Variants in FBXL4 observed in about 807,000 individuals in gnomAD.
The protein encoded by FBXL4 is F-box/LRR-repeat protein 4.
A neutral mutation model predicts 58.9 loss-of-function variants in FBXL4; 40 were observed. That is an observed-to-expected ratio of 0.68 (90% confidence interval 0.53 to 0.88). The LOEUF (loss-of-function observed/expected upper bound fraction) is 0.88. FBXL4 is among the 40% of genes least tolerant of loss of function. FBXL4 has a pLI of 0.00. For synonymous variants in FBXL4, 263 were observed against 265.5 expected, an observed-to-expected ratio of 0.99 and a Z score of 0.09; for missense variants, 676 against 734.4, an observed-to-expected ratio of 0.92 and a Z score of 0.92.
intron 7 of FBXL4, among the ~76,000 whole-genome samples, chr6:98,893,713 T>C (rs574389435): frequency 2.0e-5 from 3 of 152,194 alleles, no homozygotes; most frequent in Non-Finnish European, 4.4e-5. Context: ...GGTTATTATG[T>C]TTTCAACTTA....
intron 7 of FBXL4, among the ~76,000 whole-genome samples, chr6:98,892,061 A>G (rs571133685): frequency 6.6e-6 from 1 of 152,322 alleles, no homozygotes; most frequent in South Asian, 2.1e-4. Flanking sequence ...AAGTTCTACA[A>G]GGCCAATCAG....
At chr6:98,889,783 C>T (rs1582380913) in intron 7 of FBXL4, among the ~76,000 whole-genome samples, 1 of 151,566 alleles carries the variant, frequency 6.6e-6, no homozygotes, top group South Asian at 2.1e-4. Flanking sequence ...ATATGAAGTG[C>T]CATTCAGTTA....
intron 1 of FBXL4, among the ~76,000 whole-genome samples, chr6:98,943,632 G>T (rs929526407): frequency 1.4e-5 from 2 of 146,656 alleles, no homozygotes; most frequent in African/African-American, 2.5e-5. Flanking sequence ...CAAGGGGGAA[G>T]ATTTCAGGGA....
chr6:98,905,715 T>C (rs1211331670), intron 5 of FBXL4, 45 bp from the exon 6 acceptor site: 3 of 1,588,688 alleles, frequency 1.9e-6, no homozygotes, highest in Non-Finnish European at 1.7e-6. Flanking sequence ...TGAAAAGCAG[T>C]ATCATTCTAT....
rs1772627937 is a variant in FBXL4 at position 98,922,668 on chromosome 6, A to C, written c.512+3809T>G. Among the ~76,000 whole-genome samples, 5 of 152,112 alleles carry C rather than the reference A, an allele frequency of 3.3e-5. No individual in the cohort carries two copies. The South Asian group carries it at 1.0e-3, about 32-fold the overall frequency. ...AGTTGCTTGAGTAATCATTTCACAA[A>C]TTTGTCATGATCTTGTCCTTTCGAC... On this transcript the variant is annotated intron_variant, in intron 4 of 9. Transcript: ENST00000369244.
chr6:98,874,177 T>G lies in FBXL4; in HGVS notation c.*101A>C, dbSNP rs1037340287. Reference sequence around the variant, plus strand: ...TTTTTCTTTAAAATCTACAAATGTCTTAATTCTTACCATTAAAACAACTAA... The same window carrying G: ...TTTTTCTTTAAAATCTACAAATGTCGTAATTCTTACCATTAAAACAACTAA... On this transcript the variant is annotated 3_prime_UTR_variant, in exon 10 of 10. Coordinates refer to ENST00000369244, the MANE Select transcript of FBXL4 (RefSeq NM_001278716.2). 9.4e-6 allele frequency: 8 copies of G among 854,702 alleles called. No homozygotes were observed. In the Admixed American group the frequency reaches 1.3e-4, roughly 14 times the overall value. 52.9% of individuals were successfully genotyped at this position (854,702 alleles called of 1,614,324 possible). A position where few individuals can be genotyped will look rare whatever the true frequency, so the allele number is the denominator to read the frequency against.
chr6:98,926,748 C>T lies in FBXL4; in HGVS notation c.241G>A (p.Val81Ile), dbSNP rs1357125853. 1.9e-6 allele frequency: 3 copies of T among 1,614,180 alleles called. No individual in the cohort carries two copies. In the South Asian group the frequency reaches 3.3e-5, roughly 18 times the overall value. ...MSYTMWNLAG[V>I]PNVFPSSGDF... Reference sequence around the variant, plus strand: ...CCAGAACTTGGGAATACATTTGGTACACCAGCCAAATTCCACATAGTATAG... The same window carrying T: ...CCAGAACTTGGGAATACATTTGGTATACCAGCCAAATTCCACATAGTATAG... The change falls in exon 4 of 10, where the codon GTA (valine) becomes ATA (isoleucine). Residue 81 changes from valine (V) to isoleucine (I), a missense_variant. Val to Ile is a conservative substitution (Grantham distance 29). Transcript: ENST00000369244.
intron 8 of FBXL4, among the ~76,000 whole-genome samples, chr6:98,879,032 A>G (rs748400048): frequency 1.3e-5 from 2 of 152,116 alleles, no homozygotes; most frequent in Non-Finnish European, 2.9e-5. Flanking sequence ...TAACCACAAG[A>G]TTTTAAAGAC....
intron 8 of FBXL4, among the ~76,000 whole-genome samples, chr6:98,877,147 CAGATT>C (rs753147937): frequency 4.6e-5 from 7 of 152,014 alleles, no homozygotes; most frequent in Admixed American, 2.0e-4. Flanking sequence ...CAAAGGCTGA[CAGATT>C]AGATATAGAG....
At chr6:98,893,130 C>A (rs1385185494) in intron 7 of FBXL4, among the ~76,000 whole-genome samples, 1 of 152,116 alleles carries the variant, frequency 6.6e-6, no homozygotes, top group African/African-American at 2.4e-5. Context: ...TAAACAGGTT[C>A]AAACTTCTAA....
intron 4 of FBXL4, among the ~76,000 whole-genome samples, chr6:98,923,937 A>G (rs1193526150): frequency 6.6e-6 from 1 of 151,988 alleles, no homozygotes; most frequent in Non-Finnish European, 1.5e-5. Flanking sequence ...GCTTTTTCTT[A>G]TATCTTAATA....
intron 6 of FBXL4, among the ~76,000 whole-genome samples, chr6:98,900,415 C>T (rs1771562916): frequency 1.3e-5 from 2 of 152,162 alleles, no homozygotes; most frequent in African/African-American, 4.8e-5. Flanking sequence ...TACAAATACA[C>T]ATACAAAGTA....
chr6:98,917,077 G>T (rs1772388066), intron 5 of FBXL4, among the ~76,000 whole-genome samples: 1 of 151,986 alleles, frequency 6.6e-6, no homozygotes, highest in South Asian at 2.1e-4. Flanking sequence ...AGTGTAATAT[G>T]AATTAAAGTG....
At chr6:98,947,727 G>C (rs1773681129) in intron 1 of FBXL4, 79 bp downstream of exon 1, 1 of 151,778 alleles carries the variant, frequency 6.6e-6, no homozygotes, top group South Asian at 2.1e-4. Flanking sequence ...CTGCGCGCTG[G>C]CTCGGCCCCG....
At position 98,897,180 on chromosome 6, in the gene FBXL4, C is replaced by T. The variant is rs930574005; in HGVS notation, c.1317+2088G>A. On this transcript the variant is annotated intron_variant, in intron 7 of 9. Transcript: ENST00000369244. ...ATTTTAAATGAGGCATTTAAATCCT[C>T]CTTGCTCAGAGGATTTCGTTTATAG... 34 of 985,066 alleles carry T rather than the reference C, an allele frequency of 3.5e-5. No individual in the cohort carries two copies. In the African/African-American group the frequency reaches 5.6e-4, roughly 16 times the overall value. 61.0% of individuals were successfully genotyped at this position (985,066 alleles called of 1,614,324 possible). A position where few individuals can be genotyped will look rare whatever the true frequency, so the allele number is the denominator to read the frequency against.
intron 5 of FBXL4, among the ~76,000 whole-genome samples, chr6:98,911,137 C>T (rs926802682): frequency 2.0e-5 from 3 of 152,220 alleles, no homozygotes; most frequent in African/African-American, 7.2e-5. Context: ...GGGGCGCCTG[C>T]CATTGCCCAG....
At chr6:98,891,273 AAAG>A (rs34653637) in intron 7 of FBXL4, among the ~76,000 whole-genome samples, 7,528 of 152,292 alleles carry the variant, frequency 0.049, 254 homozygotes, top group Middle Eastern at 0.11. Flanking sequence ...CTTTGAGGAA[AAAG>A]AAGTTCTCTA....
At chr6:98,929,583 A>G (rs1772930109) in intron 2 of FBXL4, among the ~76,000 whole-genome samples, 1 of 151,806 alleles carries the variant, frequency 6.6e-6, no homozygotes. Context: ...AAAAAAAAAA[A>G]AAAAGAAAGA....
chr6:98,940,952 C>T (rs1773409025), intron 1 of FBXL4, among the ~76,000 whole-genome samples: 1 of 152,150 alleles, frequency 6.6e-6, no homozygotes, highest in African/African-American at 2.4e-5. Flanking sequence ...AAATTAGATT[C>T]TGCAAACATT....
Sources: gnomAD v4.1 joint callset for allele counts (sites outside exome capture counted in the v4.1 genomes callset) on GRCh38, gnomAD v4.1.1 for gene constraint, MANE v1.5 for transcripts, NCBI Gene and HGNC (gene_info 2026-07-23, HGNC 2026-07-21) for gene names.